ERC1: variants seen among roughly 807,000 people sequenced by gnomAD.
ERC1 encodes the protein RAB6 interacting protein 2.
ERC1 carries 56 observed loss-of-function variants against 132.0 expected under a neutral mutation model. That is an observed-to-expected ratio of 0.42 (90% CI 0.34 to 0.53). ERC1 has a LOEUF of 0.53. Among genes scored for constraint, ERC1 ranks in the 20% least tolerant of loss-of-function variants. ERC1 has a pLI of 0.03. For synonymous variants in ERC1, 478 were observed against 476.1 expected (o/e 1.00, Z -0.05); for missense variants, 1,202 against 1,349.9 (o/e 0.89, Z 1.72).
At chr12:1,007,458 C>A (rs987647283) in intron 1 of ERC1, among the ~76,000 whole-genome samples, 51 of 104,604 alleles carry the variant, frequency 4.9e-4, no homozygotes, top group African/African-American at 1.8e-3. Context: ...CTGGGTAATT[C>A]ATTCTCTCTC....
chr12:1,478,999 T>C (rs1233147018), intron 18 of ERC1, among the ~76,000 whole-genome samples: 1 of 152,240 alleles, frequency 6.6e-6, no homozygotes, highest in Non-Finnish European at 1.5e-5. Flanking sequence ...AATTGATTTT[T>C]GTTAATGGCA....
chr12:1,292,218 G>C (rs1330074755), intron 15 of ERC1, among the ~76,000 whole-genome samples: 1 of 152,086 alleles, frequency 6.6e-6, no homozygotes, highest in Admixed American at 6.6e-5. Context: ...TTTTTATTAA[G>C]CTGTGAATTT....
intron 12 of ERC1, among the ~76,000 whole-genome samples, chr12:1,232,784 T>C (rs2075140956): frequency 6.6e-6 from 1 of 152,132 alleles, no homozygotes; most frequent in Non-Finnish European, 1.5e-5. Context: ...TGATTATCTT[T>C]AATGCCATCA....
intron 2 of ERC1, among the ~76,000 whole-genome samples, chr12:1,043,147 G>A (rs1011818753): frequency 9.3e-5 from 14 of 151,268 alleles, no homozygotes; most frequent in African/African-American, 2.7e-4. Flanking sequence ...GGGTCTAAGC[G>A]ATTCTCCTAC....
chr12:1,333,124 G>C (rs139556877), intron 15 of ERC1, among the ~76,000 whole-genome samples: 2 of 147,632 alleles, frequency 1.4e-5, no homozygotes, highest in African/African-American at 2.6e-5. Context: ...TCCATTAGGC[G>C]CCAGTGGCTG....
intron 16 of ERC1, among the ~76,000 whole-genome samples, chr12:1,403,207 C>T (rs1202031931): frequency 6.6e-6 from 1 of 152,176 alleles, no homozygotes; most frequent in African/African-American, 2.4e-5. Context: ...TTCCCTTCTT[C>T]CTTTTTTTTC....
chr12:1,467,695 A>G (rs965457571), intron 18 of ERC1, among the ~76,000 whole-genome samples: 1 of 152,240 alleles, frequency 6.6e-6, no homozygotes, highest in African/African-American at 2.4e-5. Flanking sequence ...ATTGTAATAT[A>G]TAATGAAATA....
chr12:1,355,249 A>G (rs192656261), intron 15 of ERC1, among the ~76,000 whole-genome samples: 43 of 152,354 alleles, frequency 2.8e-4, no homozygotes, highest in African/African-American at 8.7e-4. Flanking sequence ...TTTGAATTTC[A>G]TATAATTTTC....
chr12:1,490,291 G>T lies in ERC1; in HGVS notation c.*61G>T. ...AGGAGCCAAGAAAAGAGAACTACGA[G>T]GAACAGGTGCCCGGAACCTTCTTGG... On this transcript the variant is annotated 3_prime_UTR_variant, in exon 19 of 19. Transcript: ENST00000360905. The T allele has an allele frequency of 6.4e-7, 1 of 1,550,802 alleles. No individual in the cohort carries two copies.
intron 15 of ERC1, among the ~76,000 whole-genome samples, chr12:1,367,723 G>A (rs555895984): frequency 5.3e-5 from 8 of 152,172 alleles, no homozygotes; most frequent in East Asian, 1.9e-4. Flanking sequence ...CACAAATGCC[G>A]CAGCAGAGCC....
At chr12:1,453,025 A>C (rs1461102704) in intron 18 of ERC1, among the ~76,000 whole-genome samples, 3 of 152,006 alleles carry the variant, frequency 2.0e-5, no homozygotes, top group Non-Finnish European at 2.9e-5. Flanking sequence ...CATGTCCTTC[A>C]TGCCTGCACC....
chr12:1,211,157 A>T (rs1395169116), intron 12 of ERC1, among the ~76,000 whole-genome samples: 6 of 152,090 alleles, frequency 3.9e-5, no homozygotes, highest in African/African-American at 1.2e-4. Context: ...ATATATATAT[A>T]TATATTTTGA....
At chr12:1,150,745 A>T (rs1361817732) in intron 8 of ERC1, among the ~76,000 whole-genome samples, 4 of 152,216 alleles carry the variant, frequency 2.6e-5, no homozygotes, top group African/African-American at 9.6e-5. Flanking sequence ...GTTAAGAAAC[A>T]TTCCACCAAA....
intron 15 of ERC1, among the ~76,000 whole-genome samples, chr12:1,331,762 C>T (rs759513606): frequency 9.2e-5 from 14 of 152,148 alleles, no homozygotes; most frequent in Non-Finnish European, 1.3e-4. Context: ...AGGCTGCTTT[C>T]GGATCCATAT....
chr12:1,194,907 T>C (rs1296205026), intron 12 of ERC1, among the ~76,000 whole-genome samples: 1 of 151,416 alleles, frequency 6.6e-6, no homozygotes, highest in African/African-American at 2.4e-5. Context: ...TATTTCCTGA[T>C]TTGAGGGAAT....
At chr12:1,322,470 CAATTTTCTATGAG>C (rs944428817) in intron 15 of ERC1, among the ~76,000 whole-genome samples, 2 of 152,138 alleles carry the variant, frequency 1.3e-5, no homozygotes, top group Non-Finnish European at 2.9e-5. Context: ...TTCATTTGTA[CAATTTTCTATGAG>C]AAAAAATGAG....
At chr12:1,252,017 T>C in intron 13 of ERC1, among the ~76,000 whole-genome samples, 1 of 152,162 alleles carries the variant, frequency 6.6e-6, no homozygotes, top group African/African-American at 2.4e-5. Flanking sequence ...GGATACATAA[T>C]AGTTATACAT....
At chr12:994,163 T>C (rs1172869253) in intron 1 of ERC1, among the ~76,000 whole-genome samples, 1 of 151,860 alleles carries the variant, frequency 6.6e-6, no homozygotes, top group Non-Finnish European at 1.5e-5. Context: ...ATGAGAGTTG[T>C]TAAATGTGTA....
intron 15 of ERC1, among the ~76,000 whole-genome samples, chr12:1,341,666 TG>T (rs1426016173): frequency 4.7e-5 from 2 of 42,340 alleles, no homozygotes; most frequent in Non-Finnish European, 9.2e-5. Context: ...TGTCATGGGG[TG>T]GGGGGTTGGG....
Sources: gnomAD v4.1 joint callset for allele counts (sites outside exome capture counted in the v4.1 genomes callset) on GRCh38, gnomAD v4.1.1 for gene constraint, MANE v1.5 for transcripts, NCBI Gene and HGNC (gene_info 2026-07-23, HGNC 2026-07-21) for gene names.